The following TMEM260 variants were observed in gnomAD, a reference collection of about 807,000 sequenced individuals.
TMEM260 encodes protein O-mannosyl-transferase TMEM260.
TMEM260 carries 82 observed loss-of-function variants against 88.9 expected under a neutral mutation model. The observed-to-expected ratio is 0.92, with a 90% confidence interval of 0.77 to 1.11. The LOEUF (loss-of-function observed/expected upper bound fraction) is 1.11, where lower values mean the gene tolerates loss of function less well. Ranked by LOEUF, TMEM260 falls within the 50% of genes least tolerant of loss-of-function variation. The probability of loss-of-function intolerance (pLI) is 0.00; values close to 1 mark genes in which losing one functional copy is unlikely to be tolerated. For synonymous variants in TMEM260, 314 were observed against 309.3 expected (o/e 1.02, Z -0.16); for missense variants, 902 against 853.4 (o/e 1.06, Z -0.71).
At chr14:56,643,252 A>T (rs1889729844) in intron 15 of TMEM260, among the ~76,000 whole-genome samples, 1 of 152,232 alleles carries the variant, frequency 6.6e-6, no homozygotes, top group Non-Finnish European at 1.5e-5. Flanking sequence ...TTGATGCAAA[A>T]ATCCTCAATA....
intron 4 of TMEM260, 70 bp downstream of exon 4, chr14:56,604,062 T>C: frequency 6.9e-7 from 1 of 1,457,710 alleles, no homozygotes; most frequent in Admixed American, 2.5e-5. Context: ...TCTTTTTAAC[T>C]TTGGCTTAAA....
At chr14:56,589,356 G>C (rs1885710283) in intron 3 of TMEM260, among the ~76,000 whole-genome samples, 1 of 152,016 alleles carries the variant, frequency 6.6e-6, no homozygotes, top group Non-Finnish European at 1.5e-5. Context: ...TGGAACTATA[G>C]AATTCATTCC....
At chr14:56,632,247 T>A (rs562348640) in intron 12 of TMEM260, among the ~76,000 whole-genome samples, 1 of 152,324 alleles carries the variant, frequency 6.6e-6, no homozygotes, top group East Asian at 1.9e-4. Flanking sequence ...TTAATTTCTT[T>A]CTTCTGCTGT....
intron 5 of TMEM260, among the ~76,000 whole-genome samples, chr14:56,606,674 C>G (rs987489370): frequency 3.3e-5 from 5 of 152,064 alleles, no homozygotes; most frequent in African/African-American, 4.8e-5. Context: ...GGCGGATTGC[C>G]TGAGCTCAGG....
At chr14:56,590,448 G>A (rs571107513) in intron 3 of TMEM260, among the ~76,000 whole-genome samples, 10 of 152,272 alleles carry the variant, frequency 6.6e-5, no homozygotes, top group Admixed American at 2.0e-4. Context: ...GCGGTGGGCC[G>A]CTTCACCTTT....
At chr14:56,609,031 T>C in intron 5 of TMEM260, 75 bp from the exon 6 acceptor site, 1 of 1,438,690 alleles carries the variant, frequency 7.0e-7, no homozygotes, top group Middle Eastern at 1.8e-4. Context: ...ATGTTTTCCT[T>C]GATATGTTCT....
At chr14:56,660,158 T>A in the TMEM260 span, among the ~76,000 whole-genome samples, 1 of 152,234 alleles carries the variant, frequency 6.6e-6, no homozygotes, top group African/African-American at 2.4e-5. Context: ...GCATAGCAGA[T>A]AAGCATTGTG....
rs1886712197 is a variant in TMEM260, at chr14:56,603,681, A to C, written c.345-134A>C. 3.6e-6 allele frequency: 3 copies of C among 828,882 alleles called. No homozygotes were observed. The Admixed American group carries it at 8.0e-5, about 22-fold the overall frequency. The allele number at this position is 828,882 out of a possible 1,614,324, so 51.3% of individuals were successfully genotyped here. A position where few individuals can be genotyped will look rare whatever the true frequency, so the allele number is the denominator to read the frequency against. ...TTGAAGGAAATTATTATATGAGTTAATGTATTAACCATATAATGTGTTGGA... is the reference window on the plus strand; with the variant it reads ...TTGAAGGAAATTATTATATGAGTTACTGTATTAACCATATAATGTGTTGGA... On this transcript the variant is annotated intron_variant, in intron 3 of 15. Transcript: ENST00000261556.
chr14:56,585,724 G>C (rs781755510), intron 2 of TMEM260, 37 bp from the exon 3 acceptor site: 4 of 1,598,386 alleles, frequency 2.5e-6, no homozygotes, highest in Non-Finnish European at 2.6e-6. Context: ...TCCTTTCCTA[G>C]ATGAAAACCT....
intron 6 of TMEM260, among the ~76,000 whole-genome samples, chr14:56,610,739 ATT>A (rs762956171): frequency 3.1e-4 from 47 of 152,280 alleles, no homozygotes; most frequent in Admixed American, 1.1e-3. Context: ...CCAGAAAAAT[ATT>A]GTCTGAAGAC....
intron 7 of TMEM260, chr14:56,613,749 C>T (rs1364938566): frequency 6.6e-6 from 1 of 151,860 alleles, no homozygotes; most frequent in Non-Finnish European, 1.5e-5. Context: ...TAACAAGAAG[C>T]TCAGTTTTCT....
At chr14:56,637,179 G>GATAATAAATGTATGTTGTTTAT (rs1260486727) in intron 15 of TMEM260, among the ~76,000 whole-genome samples, 3 of 152,222 alleles carry the variant, frequency 2.0e-5, no homozygotes, top group Non-Finnish European at 4.4e-5. Context: ...AGAAGTGTGA[G>GATAATAAATGTATGTTGTTTAT]ATAATAAATG....
intron 3 of TMEM260, among the ~76,000 whole-genome samples, chr14:56,592,770 G>A (rs772332908): frequency 2.0e-4 from 30 of 152,084 alleles, no homozygotes; most frequent in Admixed American, 3.9e-4. Context: ...AAACAATAAC[G>A]TTCAGATGCT....
At chr14:56,653,505 G>A (rs7146031), downstream of TMEM260, among the ~76,000 whole-genome samples, 31,392 of 151,460 alleles carry the variant, frequency 0.21, 5,084 homozygotes, top group African/African-American at 0.44. Context: ...AGGCCAATGC[G>A]GGTGGATCAC....
At chr14:56,600,762 T>C (rs1886525374) in intron 3 of TMEM260, among the ~76,000 whole-genome samples, 7 of 152,246 alleles carry the variant, frequency 4.6e-5, no homozygotes. Context: ...TACGCTTTTG[T>C]GTGCAGTACA....
the TMEM260 span, among the ~76,000 whole-genome samples, chr14:56,660,677 A>G: frequency 6.6e-6 from 1 of 152,236 alleles, no homozygotes; most frequent in Admixed American, 6.5e-5. Flanking sequence ...AGCAAAAGAC[A>G]TAGCAGATCC....
chr14:56,603,397 G>A (rs1205879376), intron 3 of TMEM260, among the ~76,000 whole-genome samples: 1 of 152,090 alleles, frequency 6.6e-6, no homozygotes, highest in Non-Finnish European at 1.5e-5. Flanking sequence ...AAGTGAGAAT[G>A]CATTTTTCTG....
intron 1 of TMEM260, among the ~76,000 whole-genome samples, chr14:56,583,809 C>T (rs531555245): frequency 2.0e-5 from 3 of 152,142 alleles, no homozygotes; most frequent in South Asian, 4.1e-4. Context: ...GAGGACCACT[C>T]CAGAGAAACA....
intron 4 of TMEM260, among the ~76,000 whole-genome samples, chr14:56,604,825 G>A (rs1037775936): frequency 6.6e-6 from 1 of 152,164 alleles, no homozygotes; most frequent in African/African-American, 2.4e-5. Context: ...CATAGCCAAG[G>A]AGCAGTGTGG....
Sources: allele counts gnomAD v4.1 joint callset (sites outside exome capture counted in the v4.1 genomes callset), GRCh38; gene constraint gnomAD v4.1.1; transcripts MANE v1.5; gene names NCBI Gene and HGNC (gene_info 2026-07-23, HGNC 2026-07-21).